PLB1: variants seen among roughly 807,000 people sequenced by gnomAD.
PLB1 encodes the protein phospholipase B1, membrane-associated.
PLB1 carries 242 observed loss-of-function variants against 227.4 expected under a neutral mutation model. That is an observed-to-expected ratio of 1.06 (90% confidence interval 0.96 to 1.18). The LOEUF (loss-of-function observed/expected upper bound fraction) is 1.18, where lower values mean the gene tolerates loss of function less well. PLB1 is among the 50% of genes most tolerant of loss of function. The pLI is 0.00. For missense variants in PLB1, 1,858 were observed against 1,816.3 expected (o/e 1.02, Z -0.42); for synonymous variants, 757 against 682.2 (o/e 1.11, Z -1.71).
chr2:28,641,465 G>C (rs879567665), intron 57 of PLB1, among the ~76,000 whole-genome samples: 5 of 152,190 alleles, frequency 3.3e-5, no homozygotes, highest in Admixed American at 1.3e-4. Context: ...AAAGTCAGCC[G>C]GGCATGGTGG....
chr2:28,503,320 T>TA (rs1344134725), intron 1 of PLB1, among the ~76,000 whole-genome samples: 5,866 of 146,538 alleles, frequency 0.04, 369 homozygotes, highest in African/African-American at 0.14. Flanking sequence ...ACCTGTTAAT[T>TA]AAAAAAAAAA....
rs75380829 is a variant in PLB1, at chr2:28,591,138, G to C, written c.2094G>C (p.Gln698His). ...TCACCCCCCTCTCCTCACAGGTCCA[G>C]CCGTTTCTGAGGACCTACAAGAACA... Reference protein sequence around the residue: ...KINITCPNQVQPFLRTYKNSM... With the variant: ...KINITCPNQVHPFLRTYKNSM... Residue 698 changes from glutamine (Q) to histidine (H), a missense_variant, in exon 30 of 58, where the codon CAG becomes CAC. Physicochemically the swap from Gln to His is conservative, Grantham distance 24. Coordinates refer to ENST00000327757, the MANE Select transcript of PLB1 (RefSeq NM_153021.5). The C allele has an allele frequency of 1.5e-3, 2,484 of 1,614,176 alleles. 40 individuals carry two copies. The African/African-American group carries it at 0.03, about 19-fold the overall frequency.
chr2:28,531,979 T>A, intron 8 of PLB1, 129 bp from the exon 9 acceptor site: 1 of 697,078 alleles, frequency 1.4e-6, no homozygotes, highest in South Asian at 1.9e-5. Context: ...TATACTACTA[T>A]TGAAAAAAAT....
Position 28,590,078 on chromosome 2 carries a change from T to A in PLB1, c.2088+2T>A, listed in dbSNP as rs986786764. 6.2e-7 allele frequency: 1 copy of A among 1,610,074 alleles called. No homozygotes were observed. On this transcript the variant is annotated splice_donor_variant, in intron 29 of 57. Coordinates refer to ENST00000327757, the MANE Select transcript of PLB1 (RefSeq NM_153021.5). LOFTEE classifies it high-confidence loss of function. The stretch of plus-strand genomic sequence containing the variant: ...ATCAATATCACATGTCCGAACCAGG[T>A]AGAGTGGAAAGCACGTCCTTCCAGG...
intron 1 of PLB1, among the ~76,000 whole-genome samples, chr2:28,503,216 G>A (rs902952234): frequency 6.6e-6 from 1 of 151,822 alleles, no homozygotes; most frequent in Non-Finnish European, 1.5e-5. Context: ...GCAGTGGCCT[G>A]ATCACAGCTC....
At chr2:28,555,070 T>G (rs1674843850) in intron 17 of PLB1, among the ~76,000 whole-genome samples, 1 of 151,624 alleles carries the variant, frequency 6.6e-6, no homozygotes. Context: ...ACCTGGAAAG[T>G]GTCATTCAGA....
chr2:28,610,021 A>C (rs1427507847), intron 43 of PLB1, among the ~76,000 whole-genome samples: 2 of 152,170 alleles, frequency 1.3e-5, no homozygotes, highest in Non-Finnish European at 2.9e-5. Flanking sequence ...TCTCTCATAG[A>C]ATAATGGAAT....
intron 20 of PLB1, among the ~76,000 whole-genome samples, chr2:28,571,916 AAAG>A (rs1292691408): frequency 6.6e-6 from 1 of 152,222 alleles, no homozygotes; most frequent in African/African-American, 2.4e-5. Flanking sequence ...ACAAGTGACA[AAAG>A]AAAAAAAAAT....
intron 2 of PLB1, among the ~76,000 whole-genome samples, chr2:28,517,647 G>C (rs1413689515): frequency 6.6e-6 from 1 of 152,100 alleles, no homozygotes; most frequent in Non-Finnish European, 1.5e-5. Context: ...ATATAGCATG[G>C]AATATAAAAT....
chr2:28,519,749 G>T lies in PLB1; in HGVS notation c.229G>T (p.Gly77Cys). ...TGATATTAAATTTGTGGCAGCCATTGGCAATCTGGAAATTGTGAGTATTTG... is the reference window on the plus strand; with the variant it reads ...TGATATTAAATTTGTGGCAGCCATTTGCAATCTGGAAATTGTGAGTATTTG... ...PSDIKFVAAI[G>C]NLEIPPDPGT... Residue 77 changes from glycine to cysteine, a missense_variant, in exon 4 of 58, where the codon GGC becomes TGC. Transcript: ENST00000327757. 1 of 1,611,846 alleles carries T rather than the reference G, an allele frequency of 6.2e-7. No homozygotes were observed. The highest frequency in any genetic ancestry group is 1.1e-5 in the South Asian group (1 of 91,012).
intron 51 of PLB1, among the ~76,000 whole-genome samples, chr2:28,627,416 G>A (rs1190279189): frequency 6.6e-6 from 1 of 152,208 alleles, no homozygotes; most frequent in Non-Finnish European, 1.5e-5. Flanking sequence ...GTCCCAGGAT[G>A]TGTGTTCTTC....
intron 26 of PLB1, among the ~76,000 whole-genome samples, chr2:28,589,026 G>A (rs980865179): frequency 1.2e-4 from 19 of 152,134 alleles, no homozygotes; most frequent in African/African-American, 4.6e-4. Flanking sequence ...TTAGCCAGGC[G>A]TGGTGGCAGG....
intron 23 of PLB1, among the ~76,000 whole-genome samples, chr2:28,581,269 TATGTAGGGTGTGCTTTCATAC>T (rs1336665061): frequency 2.6e-5 from 4 of 152,070 alleles, no homozygotes; most frequent in East Asian, 1.9e-4. Context: ...TGCCTTGATT[TATGTAGGGTGTGCTTTCATAC>T]ATGTAGGGTG....
intron 37 of PLB1, 105 bp from the exon 38 acceptor site, chr2:28,601,794 G>A (rs1683945594): frequency 1.0e-6 from 1 of 954,400 alleles, no homozygotes; most frequent in Non-Finnish European, 1.7e-6. Flanking sequence ...AGGCTAGAGG[G>A]GGAACAAGTC....
chr2:28,506,195 G>A (rs1261515545), intron 1 of PLB1, among the ~76,000 whole-genome samples: 1 of 152,206 alleles, frequency 6.6e-6, no homozygotes, highest in Non-Finnish European at 1.5e-5. Flanking sequence ...GAGAGAGAAA[G>A]GAGCCGCATA....
intron 52 of PLB1, 61 bp from the exon 53 acceptor site, chr2:28,629,033 C>A: frequency 5.7e-6 from 8 of 1,413,664 alleles, no homozygotes; most frequent in Non-Finnish European, 7.9e-6. Flanking sequence ...TTGTAGATGA[C>A]CCCCAGGTTC....
chr2:28,502,802 G>A (rs143286067), intron 1 of PLB1, among the ~76,000 whole-genome samples: 1 of 152,044 alleles, frequency 6.6e-6, no homozygotes, highest in Admixed American at 6.6e-5. Flanking sequence ...AATAATAATG[G>A]ATTTTTTTTC....
At chr2:28,510,878 T>C (rs1668174262) in intron 1 of PLB1, among the ~76,000 whole-genome samples, 1 of 151,870 alleles carries the variant, frequency 6.6e-6, no homozygotes, top group African/African-American at 2.4e-5. Flanking sequence ...TCCTTCCACC[T>C]CGGTCTCTCA....
intron 9 of PLB1, among the ~76,000 whole-genome samples, chr2:28,533,484 T>G (rs2148196772): frequency 6.6e-6 from 1 of 152,358 alleles, no homozygotes; most frequent in Non-Finnish European, 1.5e-5. Flanking sequence ...TAGACATTGG[T>G]GCATTGCTCT....
Sources: gnomAD v4.1 joint callset for allele counts (sites outside exome capture counted in the v4.1 genomes callset) on GRCh38, gnomAD v4.1.1 for gene constraint, MANE v1.5 for transcripts, NCBI Gene and HGNC (gene_info 2026-07-23, HGNC 2026-07-21) for gene names.